The following DUOX1 variants were observed in gnomAD, a reference collection of about 807,000 sequenced individuals.
DUOX1 encodes the protein NADPH thyroid oxidase 1.
A neutral mutation model predicts 181.8 loss-of-function variants in DUOX1; 134 were observed. The ratio of observed to expected loss-of-function variants is 0.74; its 90% CI spans 0.64 to 0.85. DUOX1 has a LOEUF of 0.85. Ranked by LOEUF, DUOX1 falls within the 40% of genes least tolerant of loss-of-function variation. DUOX1 has a pLI of 0.00. For synonymous variants in DUOX1, 798 were observed against 832.5 expected (o/e 0.96, Z 0.71); for missense variants, 1,814 against 2,064.4 (o/e 0.88, Z 2.35).
chr15:45,147,475 G>A lies in DUOX1; in HGVS notation c.2365G>A (p.Asp789Asn), dbSNP rs528471741. Reference sequence around the variant, plus strand: ...GGCCGACGCAGGGACCCTGCCCCTGGACTCCTCCCAGAAGGTGCGGGAGGC... The same window carrying A: ...GGCCGACGCAGGGACCCTGCCCCTGAACTCCTCCCAGAAGGTGCGGGAGGC... ...NQADAGTLPL[D>N]SSQKVREALT... The change falls in exon 19 of 34, where the codon GAC (aspartate) becomes AAC (asparagine). Residue 789 changes from aspartate (D) to asparagine (N), a missense_variant. Around this residue, in one of 5 missense-constraint regions of DUOX1, gnomAD observed 1,064 missense variants for 1,152.9 expected, o/e 0.92. Coordinates refer to ENST00000389037, the MANE Select transcript of DUOX1 (RefSeq NM_175940.3). 10 of 1,614,044 alleles carry A rather than the reference G, an allele frequency of 6.2e-6. No individual in the cohort carries two copies. Among genetic ancestry groups the A allele is most frequent in the African/African-American group, 2.7e-5 (2 of 75,040 alleles).
chr15:45,161,068 C>A, intron 29 of DUOX1, 78 bp downstream of exon 29: 1 of 1,590,062 alleles, frequency 6.3e-7, no homozygotes, highest in Non-Finnish European at 8.6e-7. Flanking sequence ...ACCGCACAGT[C>A]TCCTGGTCGG....
chr15:45,148,058 G>A (rs1199067977), intron 20 of DUOX1, 61 bp downstream of exon 20: 21 of 1,486,470 alleles, frequency 1.4e-5, no homozygotes, highest in Non-Finnish European at 2.0e-5. Flanking sequence ...GCAAATAGAT[G>A]GGACCTGAAG....
At chr15:45,141,546 G>T in intron 14 of DUOX1, 136 bp downstream of exon 14, 1 of 992,392 alleles carries the variant, frequency 1.0e-6, no homozygotes, top group Non-Finnish European at 1.6e-6. Context: ...CTGCCCTTGG[G>T]AACTCCAGGT....
Position 45,160,829 on chromosome 15 carries a change from C to T in DUOX1, c.3703-8C>T, listed in dbSNP as rs367667039. ...CTAGGTCTGAGCAGAGCTCTTTCCTCCATCTAGCTCATCATCCATGGTAGC... is the reference window on the plus strand; with the variant it reads ...CTAGGTCTGAGCAGAGCTCTTTCCTTCATCTAGCTCATCATCCATGGTAGC... On this transcript the variant is annotated splice_region_variant and splice_polypyrimidine_tract_variant and intron_variant, in intron 28 of 33. Transcript: ENST00000389037. The T allele has an allele frequency of 1.4e-5, 22 of 1,596,092 alleles. No individual in the cohort carries two copies. The highest frequency in any genetic ancestry group is 1.9e-5 in the Non-Finnish European group (22 of 1,170,254).
At chr15:45,160,158 C>T (rs1004335115) in intron 28 of DUOX1, among the ~76,000 whole-genome samples, 1 of 152,030 alleles carries the variant, frequency 6.6e-6, no homozygotes, top group Non-Finnish European at 1.5e-5. Context: ...TCCCCCCAAC[C>T]CCCAAAAAAC....
In DUOX1 at chr15:45,165,232, T is replaced by C; in HGVS notation, c.*331T>C. On this transcript the variant is annotated 3_prime_UTR_variant, in exon 34 of 34. Coordinates refer to ENST00000389037, the MANE Select transcript of DUOX1 (RefSeq NM_175940.3). ...AAGCTGACCTGACAAGTACTATGTG[T>C]GTGCATGTCTGTATGTGTGTTGGGG... The C allele has an allele frequency of 2.8e-6, 1 of 352,254 alleles. No individual in the cohort carries two copies. Among genetic ancestry groups the C allele is most frequent in the Non-Finnish European group, 5.2e-6 (1 of 190,640 alleles). The allele number at this position is 352,254 out of a possible 1,614,324, so 21.8% of individuals were successfully genotyped here. A position where few individuals can be genotyped will look rare whatever the true frequency, so the allele number is the denominator to read the frequency against.
rs189070479 is a variant in DUOX1 at position 45,141,135 on chromosome 15, C to A, written c.1565+65C>A. On this transcript the variant is annotated intron_variant, in intron 13 of 33. Transcript: ENST00000389037. ...CCTGGGCCCCAGACCCTCTTTCTGG[C>A]CTTAGACAGCCCCCATGAGCCCTTG... 2.3e-5 allele frequency: 36 copies of A among 1,595,388 alleles called. No individual in the cohort carries two copies. In the African/African-American group the frequency reaches 4.0e-4, roughly 18 times the overall value.
At chr15:45,149,059 T>TA (rs1410134815) in intron 21 of DUOX1, among the ~76,000 whole-genome samples, 1 of 152,042 alleles carries the variant, frequency 6.6e-6, no homozygotes, top group African/African-American at 2.4e-5. Context: ...GGGCTAGAGT[T>TA]AGAGTGAGGA....
chr15:45,134,323 C>A lies in DUOX1; in HGVS notation c.307+14C>A. 1.3e-6 allele frequency: 2 copies of A among 1,583,270 alleles called. No homozygotes were observed. Among genetic ancestry groups the A allele is most frequent in the Non-Finnish European group, 1.7e-6 (2 of 1,168,024 alleles). On this transcript the variant is annotated intron_variant, in intron 4 of 33. Transcript: ENST00000389037. ...GGGTCTTCTTTGGTGAGAACTTCAA[C>A]CTCTGGGGAAGGAAGCCGGTGGGGT...
chr15:45,130,379 C>T (rs1476091030), intron 1 of DUOX1, among the ~76,000 whole-genome samples: 2 of 152,206 alleles, frequency 1.3e-5, no homozygotes, highest in Non-Finnish European at 2.9e-5. Context: ...GGCACCAGCA[C>T]AACATACCAG....
intron 4 of DUOX1, among the ~76,000 whole-genome samples, 171 bp downstream of exon 4, chr15:45,134,480 C>A (rs996659055): frequency 6.6e-6 from 1 of 152,060 alleles, no homozygotes; most frequent in Admixed American, 6.5e-5. Context: ...GAGAGAGGAT[C>A]CATGCTGAAG....
chr15:45,133,340 T>C (rs1210350678), intron 2 of DUOX1, among the ~76,000 whole-genome samples: 1 of 152,182 alleles, frequency 6.6e-6, no homozygotes, highest in Non-Finnish European at 1.5e-5. Flanking sequence ...CACCACACCC[T>C]TGCCCTGGGC....
In DUOX1 at chr15:45,161,761, C is replaced by T. The variant is rs372852972; in HGVS notation, c.3880C>T (p.Arg1294Trp). The T allele has an allele frequency of 3.1e-6, 5 of 1,613,626 alleles. No homozygotes were observed. The highest frequency in any genetic ancestry group is 2.2e-5 in the East Asian group (1 of 44,884). The change falls in exon 30 of 34, where the codon CGG becomes TGG. Residue 1294 changes from arginine (R) to tryptophan (W), a missense_variant. By Grantham distance (101) the Arg-to-Trp change is moderately radical. Coordinates refer to ENST00000389037, the MANE Select transcript of DUOX1 (RefSeq NM_175940.3). ...AGGAGTGACCCACCTGCGGTTCCAGCGGCCCCAGGGCTTTGAGTACAAGTC... is the reference window on the plus strand; with the variant it reads ...AGGAGTGACCCACCTGCGGTTCCAGTGGCCCCAGGGCTTTGAGTACAAGTC... The part of the protein sequence containing the change: ...PSGVTHLRFQ[R>W]PQGFEYKSGQ...
chr15:45,165,238 T>C lies in DUOX1; in HGVS notation c.*337T>C, dbSNP rs1897199830. The C allele has an allele frequency of 6.3e-6, 2 of 319,556 alleles. No homozygotes were observed. Among genetic ancestry groups the C allele is most frequent in the South Asian group, 4.9e-5 (1 of 20,328 alleles). 19.8% of individuals were successfully genotyped at this position (319,556 alleles called of 1,614,324 possible). A position where few individuals can be genotyped will look rare whatever the true frequency, so the allele number is the denominator to read the frequency against. ...ACCTGACAAGTACTATGTGTGTGCA[T>C]GTCTGTATGTGTGTTGGGGCGGTGA... is the stretch of plus-strand genomic sequence containing the variant. On this transcript the variant is annotated 3_prime_UTR_variant, in exon 34 of 34. Coordinates refer to ENST00000389037, the MANE Select transcript of DUOX1 (RefSeq NM_175940.3).
At chr15:45,138,103 T>TGA in intron 10 of DUOX1, 89 bp downstream of exon 10, 4 of 1,011,904 alleles carry the variant, frequency 4.0e-6, no homozygotes, top group South Asian at 2.2e-5. Context: ...TGTGTGTGTG[T>TGA]GTGAGTGCAT....
Position 45,133,871 on chromosome 15 carries a change from G to T in DUOX1, c.66G>T (p.Gln22His). Residue 22 changes from glutamine to histidine, a missense_variant, in exon 3 of 34, where the codon CAG becomes CAT. By Grantham distance (24) the Gln-to-His change is conservative. Around this residue, in one of 5 missense-constraint regions of DUOX1, gnomAD observed 320 missense variants for 313.1 expected, o/e 1.02. Coordinates refer to ENST00000389037, the MANE Select transcript of DUOX1 (RefSeq NM_175940.3). ...LVGAWTPLGAQNPISWEVQRF... is the reference protein window; with the variant it reads ...LVGAWTPLGAHNPISWEVQRF... ...CCCTCCATTCTCACACAGGAGCTCA[G>T]AACCCCATTTCGTGGGAGGTGCAGC... 1 of 1,613,780 alleles carries T rather than the reference G, an allele frequency of 6.2e-7. No individual in the cohort carries two copies. The highest frequency in any genetic ancestry group is 1.1e-5 in the South Asian group (1 of 91,036).
Position 45,139,429 on chromosome 15 carries a change from T to G in DUOX1, c.1219T>G (p.Phe407Val). The G allele has an allele frequency of 6.2e-7, 1 of 1,612,612 alleles. No individual in the cohort carries two copies. Among genetic ancestry groups the G allele is most frequent in the Non-Finnish European group, 8.5e-7 (1 of 1,179,596 alleles). ...DHVLVEDVRDFWPGPLKFSRT... is the reference protein window; with the variant it reads ...DHVLVEDVRDVWPGPLKFSRT... ...ACTGTCTGGTATCTTGTCTCCAGAT[T>G]TCTGGCCTGGGCCACTGAAGTTTTC... Residue 407 changes from phenylalanine to valine, a missense_variant and splice_region_variant, in exon 12 of 34, where the codon TTC becomes GTC. Coordinates refer to ENST00000389037, the MANE Select transcript of DUOX1 (RefSeq NM_175940.3).
intron 27 of DUOX1, 114 bp downstream of exon 27, chr15:45,154,114 A>G (rs1896908169): frequency 2.0e-6 from 2 of 998,106 alleles, no homozygotes. Context: ...CCGGTGACCC[A>G]GGCTCTGTCC....
rs58154992 is a variant in DUOX1 at position 45,153,494 on chromosome 15, A to ATGTGTG, written c.3524+63_3524+68dup. The ATGTGTG allele has an allele frequency of 2.0e-4, 179 of 886,582 alleles. 1 individual carries two copies. Among genetic ancestry groups the ATGTGTG allele is most frequent in the East Asian group, 1.3e-3 (51 of 38,014 alleles). 54.9% of individuals were successfully genotyped at this position (886,582 alleles called of 1,614,324 possible). On this transcript the variant is annotated intron_variant, in intron 26 of 33. Coordinates refer to ENST00000389037, the MANE Select transcript of DUOX1 (RefSeq NM_175940.3). The stretch of plus-strand genomic sequence containing the variant: ...CATGATGATGGGTGAGTAAGTGCGA[A>ATGTGTG]TGTGTGTGTGTGTGTGTGTGTGTGT...
Sources: allele counts gnomAD v4.1 joint callset (sites outside exome capture counted in the v4.1 genomes callset), GRCh38; gene constraint gnomAD v4.1.1; regional missense constraint gnomAD v4.1.1; transcripts MANE v1.5; gene names NCBI Gene and HGNC (gene_info 2026-07-23, HGNC 2026-07-21).